KIAA1671: variants seen among roughly 807,000 people sequenced by gnomAD.
The protein encoded by KIAA1671 is KIAA1671.
KIAA1671 carries 52 observed loss-of-function variants against 131.2 expected under a neutral mutation model. The ratio of observed to expected loss-of-function variants is 0.40; its 90% CI spans 0.32 to 0.50. The LOEUF is 0.50. Among genes scored for constraint, KIAA1671 ranks in the 20% least tolerant of loss-of-function variants. The probability of loss-of-function intolerance (pLI) is 0.73; values close to 1 mark genes in which losing one functional copy is unlikely to be tolerated. For missense variants in KIAA1671, 2,360 were observed against 2,364.2 expected (o/e 1.00, Z 0.04); for synonymous variants, 1,003 against 961.6 (o/e 1.04, Z -0.80).
At chr22:25,032,016 C>T (rs1926322330) in intron 3 of KIAA1671, among the ~76,000 whole-genome samples, 1 of 152,210 alleles carries the variant, frequency 6.6e-6, no homozygotes, top group Non-Finnish European at 1.5e-5. Context: ...ATTCTAGCTC[C>T]ACACCCTCTT....
intron 6 of KIAA1671, among the ~76,000 whole-genome samples, chr22:25,127,626 C>T (rs1932247019): frequency 6.6e-6 from 1 of 151,484 alleles, no homozygotes; most frequent in African/African-American, 2.4e-5. Flanking sequence ...GTGTCATTAA[C>T]AGCCACGGCT....
chr22:25,100,497 G>T (rs1361181998), intron 6 of KIAA1671, among the ~76,000 whole-genome samples: 1 of 152,196 alleles, frequency 6.6e-6, no homozygotes. Flanking sequence ...CACAGGGGCA[G>T]GGTAGCCCGG....
In KIAA1671 at chr22:25,040,322, T is replaced by G. The variant is rs1419120948; in HGVS notation, c.3192T>G (p.Pro1064=). Residue 1064 remains proline (P), a synonymous_variant, in exon 5 of 13, where the codon CCT becomes CCG. Transcript: ENST00000358431. ...HSRKITPPSS[P]HSLTSTLVSL... is the part of the protein sequence containing the mutation. Reference sequence around the variant, plus strand: ...GAAAAATCACTCCACCCTCGTCTCCTCATTCTTTAACATCCACTTTGGTTT... The same window carrying G: ...GAAAAATCACTCCACCCTCGTCTCCGCATTCTTTAACATCCACTTTGGTTT... 5 of 1,551,768 alleles carry G rather than the reference T, an allele frequency of 3.2e-6. No homozygotes were observed. The Admixed American group carries it at 9.8e-5, about 30-fold the overall frequency.
At chr22:25,026,507 G>T (rs1925950055) in intron 2 of KIAA1671, among the ~76,000 whole-genome samples, 1 of 152,148 alleles carries the variant, frequency 6.6e-6, no homozygotes. Flanking sequence ...GAGGTGGGCG[G>T]ATCCCCTGAG....
chr22:25,042,395 G>C (rs968738510), intron 5 of KIAA1671, among the ~76,000 whole-genome samples: 3 of 151,542 alleles, frequency 2.0e-5, no homozygotes, highest in Non-Finnish European at 4.4e-5. Flanking sequence ...TGTTGAATGA[G>C]TGAACAAGTG....
intron 6 of KIAA1671, among the ~76,000 whole-genome samples, chr22:25,130,838 A>G (rs1267392525): frequency 2.0e-5 from 3 of 152,192 alleles, no homozygotes; most frequent in Non-Finnish European, 4.4e-5. Context: ...CCATGCCTGA[A>G]TGTCAGGGGC....
intron 1 of KIAA1671, among the ~76,000 whole-genome samples, chr22:24,975,998 T>C (rs917364414): frequency 5.9e-5 from 9 of 152,234 alleles, no homozygotes; most frequent in Non-Finnish European, 1.2e-4. Flanking sequence ...GTGGCTACTG[T>C]ATGCCTTGTG....
chr22:25,020,710 T>C (rs1925618078), intron 1 of KIAA1671, among the ~76,000 whole-genome samples: 1 of 152,062 alleles, frequency 6.6e-6, no homozygotes, highest in Non-Finnish European at 1.5e-5. Flanking sequence ...GGAGGTGGCA[T>C]TGAGATTAGC....
intron 5 of KIAA1671, among the ~76,000 whole-genome samples, chr22:25,042,401 A>G (rs924688143): frequency 1.3e-5 from 2 of 151,998 alleles, no homozygotes; most frequent in African/African-American, 4.8e-5. Context: ...ATGAGTGAAC[A>G]AGTGATCTTA....
intron 1 of KIAA1671, among the ~76,000 whole-genome samples, chr22:24,989,275 C>T (rs1353124372): frequency 2.0e-5 from 3 of 152,174 alleles, no homozygotes; most frequent in African/African-American, 4.8e-5. Context: ...GCCCCAGCTC[C>T]AGGCTTCCAC....
intron 6 of KIAA1671, among the ~76,000 whole-genome samples, chr22:25,094,034 T>A (rs2145885403): frequency 1.3e-5 from 2 of 152,128 alleles, no homozygotes; most frequent in South Asian, 4.2e-4. Context: ...CCCTGAGGAC[T>A]GTATAGGTGT....
At chr22:24,973,814 G>T (rs1261755348) in intron 1 of KIAA1671, among the ~76,000 whole-genome samples, 1 of 152,152 alleles carries the variant, frequency 6.6e-6, no homozygotes, top group Admixed American at 6.6e-5. Flanking sequence ...ACAGTTTCTG[G>T]CACATAGTAG....
In KIAA1671 at chr22:24,952,743, G is replaced by T. The variant is rs1921476413; in HGVS notation, c.-237G>T. The T allele has an allele frequency of 6.5e-6, 1 of 154,776 alleles. No homozygotes were observed. The highest frequency in any genetic ancestry group is 1.8e-4 in the South Asian group (1 of 5,612). The allele number at this position is 154,776 out of a possible 1,614,324, so 9.6% of individuals were successfully genotyped here. On this transcript the variant is annotated 5_prime_UTR_variant, in exon 1 of 13. Coordinates refer to ENST00000358431, the MANE Select transcript of KIAA1671 (RefSeq NM_001145206.2). This position sits in a 1 kb window ranked among gnomAD's most constrained non-coding sequence, Gnocchi z 4.5. ...GTGCCGCGGGCTGCGGGCAGGTGGC[G>T]GCGCGGCGCGGGCTGGCGGTGGCTC...
chr22:25,074,777 C>T (rs895584953), intron 6 of KIAA1671, among the ~76,000 whole-genome samples: 1 of 152,166 alleles, frequency 6.6e-6, no homozygotes, highest in African/African-American at 2.4e-5. Flanking sequence ...ATCCATTCAT[C>T]TGCAACTGGA....
intron 11 of KIAA1671, among the ~76,000 whole-genome samples, chr22:25,188,445 C>CGG (rs762186172): frequency 1.8e-3 from 211 of 114,960 alleles, no homozygotes; most frequent in East Asian, 0.014. Context: ...CAGAGCCAAT[C>CGG]GGGTGTGTGT....
At position 25,075,900 on chromosome 22, in the gene KIAA1671, C is replaced by T. The variant is rs181170429; in HGVS notation, c.4530+26536C>T. On this transcript the variant is annotated intron_variant, in intron 6 of 12. Transcript: ENST00000358431. ...AAGCGATTCTCCTGCCTCAGCCTCC[C>T]GAGTAGCTGGGATTACAGGCGCCTG... 2.7e-3 allele frequency among the ~76,000 whole-genome samples: 406 copies of T among 151,988 alleles called. 1 individual carries two copies. The highest frequency in any genetic ancestry group is 9.0e-3 in the African/African-American group (375 of 41,448).
intron 6 of KIAA1671, among the ~76,000 whole-genome samples, chr22:25,148,209 C>T (rs904430676): frequency 4.0e-5 from 6 of 151,528 alleles, no homozygotes; most frequent in Non-Finnish European, 8.8e-5. Context: ...CAGCACCCCC[C>T]TCAGTCCCAG....
chr22:25,152,175 G>A (rs544588289), intron 6 of KIAA1671, among the ~76,000 whole-genome samples: 1 of 152,172 alleles, frequency 6.6e-6, no homozygotes, highest in Non-Finnish European at 1.5e-5. Flanking sequence ...TACTTAGATT[G>A]CTTCCAGTTT....
At chr22:25,036,931 T>TA (rs1160022100) in intron 4 of KIAA1671, among the ~76,000 whole-genome samples, 4 of 151,716 alleles carry the variant, frequency 2.6e-5, no homozygotes, top group Non-Finnish European at 5.9e-5. Context: ...TCTCAAAAAA[T>TA]AAAAATAAAA....
Sources: gnomAD v4.1 joint callset for allele counts (sites outside exome capture counted in the v4.1 genomes callset) on GRCh38, gnomAD v4.1.1 for gene constraint, Gnocchi (gnomAD v3.1) non-coding constraint, MANE v1.5 for transcripts, NCBI Gene and HGNC (gene_info 2026-07-23, HGNC 2026-07-21) for gene names.